The following FOXN3 variants were observed in gnomAD, a reference collection of about 807,000 sequenced individuals.
FOXN3 encodes the protein forkhead box protein N3.
In FOXN3, 7 loss-of-function variants were observed where a neutral mutation model predicts 38.4. That is an observed-to-expected ratio of 0.18 (90% CI 0.10 to 0.34). FOXN3 has a LOEUF of 0.34. Ranked by LOEUF, FOXN3 falls within the 10% of genes least tolerant of loss-of-function variation. The pLI is 1.00. For missense variants in FOXN3, 456 were observed against 613.4 expected, an observed-to-expected ratio of 0.74 and a Z score of 2.71; for synonymous variants, 230 against 242.2, an observed-to-expected ratio of 0.95 and a Z score of 0.47.
chr14:89,385,737 G>A (rs186744273), intron 2 of FOXN3, among the ~76,000 whole-genome samples: 39 of 152,334 alleles, frequency 2.6e-4, no homozygotes, highest in African/African-American at 8.2e-4. Context: ...AACCCAGGAC[G>A]CGGAGGCTGT....
At chr14:89,241,977 C>G (rs1458096524) in intron 4 of FOXN3, among the ~76,000 whole-genome samples, 4 of 152,210 alleles carry the variant, frequency 2.6e-5, no homozygotes, top group Non-Finnish European at 5.9e-5. Flanking sequence ...GGCGTCAGGA[C>G]CAGGTAGGTC....
intron 4 of FOXN3, among the ~76,000 whole-genome samples, chr14:89,204,896 G>A (rs1052204883): frequency 1.4e-5 from 2 of 146,660 alleles, no homozygotes; most frequent in Non-Finnish European, 2.9e-5. Flanking sequence ...TGCTGTTAAT[G>A]AGTATTTCAT....
chr14:89,161,554 T>C lies in FOXN3; in HGVS notation c.*860A>G. ...CCCCATCAGTTTTCTCTCTCTCTCC[T>C]TCGTGTGTGTGTGTGTGTGTGTGTG... On this transcript the variant is annotated 3_prime_UTR_variant, in exon 6 of 6. Transcript: ENST00000557258. 7.3e-6 allele frequency: 1 copy of C among 137,594 alleles called. No homozygotes were observed. The highest frequency in any genetic ancestry group is 1.5e-5 in the Non-Finnish European group (1 of 65,258). 8.5% of individuals were successfully genotyped at this position (137,594 alleles called of 1,614,324 possible). A position where few individuals can be genotyped will look rare whatever the true frequency, so the allele number is the denominator to read the frequency against.
intron 1 of FOXN3, among the ~76,000 whole-genome samples, chr14:89,456,523 G>A (rs1361455381): frequency 1.3e-5 from 2 of 152,244 alleles, no homozygotes; most frequent in African/African-American, 2.4e-5. Context: ...GGAGGCCAAG[G>A]TGGCTGGATT....
chr14:89,553,990 T>C (rs1895061445), intron 1 of FOXN3, among the ~76,000 whole-genome samples: 1 of 152,252 alleles, frequency 6.6e-6, no homozygotes, highest in Admixed American at 6.5e-5. Context: ...CGTGACTTTC[T>C]TCTTCGTTTT....
intron 2 of FOXN3, among the ~76,000 whole-genome samples, chr14:89,408,204 T>G (rs1012061644): frequency 6.6e-6 from 1 of 152,008 alleles, no homozygotes; most frequent in African/African-American, 2.4e-5. Flanking sequence ...TTAGCAGAAC[T>G]ACCAGTTTTC....
At chr14:89,224,327 C>T (rs1340685219) in intron 4 of FOXN3, among the ~76,000 whole-genome samples, 1 of 152,050 alleles carries the variant, frequency 6.6e-6, no homozygotes, top group Non-Finnish European at 1.5e-5. Context: ...TAATAAAAGG[C>T]CTCCTTAAAA....
At chr14:89,575,831 C>G (rs1189180378) in intron 1 of FOXN3, among the ~76,000 whole-genome samples, 1 of 152,206 alleles carries the variant, frequency 6.6e-6, no homozygotes, top group Non-Finnish European at 1.5e-5. Flanking sequence ...GTGATTGGCT[C>G]CCAATGCTGG....
At chr14:89,389,193 C>A (rs1459876744) in intron 2 of FOXN3, among the ~76,000 whole-genome samples, 2 of 151,974 alleles carry the variant, frequency 1.3e-5, no homozygotes, top group Non-Finnish European at 2.9e-5. Flanking sequence ...ATCTCTGATT[C>A]TTTCCTGCAA....
chr14:89,204,096 CACACACAA>C (rs1235857560), intron 4 of FOXN3, among the ~76,000 whole-genome samples: 1 of 132,778 alleles, frequency 7.5e-6, no homozygotes, highest in South Asian at 2.3e-4. Flanking sequence ...CACACACACA[CACACACAA>C]CTACTACTAC....
At chr14:89,364,415 G>A (rs1395058409) in intron 2 of FOXN3, 1 of 151,650 alleles carries the variant, frequency 6.6e-6, no homozygotes, top group African/African-American at 2.4e-5. Flanking sequence ...GAAAAGAGAA[G>A]TTATCATTTC....
In FOXN3 at chr14:89,286,166, G is replaced by A. The variant is rs145498715; in HGVS notation, c.681-5152C>T. Among the ~76,000 whole-genome samples the A allele has an allele frequency of 2.6e-3, 397 of 151,986 alleles. 2 individuals are homozygous for A. The highest frequency in any genetic ancestry group is 9.2e-3 in the African/African-American group (380 of 41,430). ...TAATGTATAAAACAAGAGAGGAGTA[G>A]GGAGGGGAGGAGGGAGAGGAGTAGG... is the stretch of plus-strand genomic sequence containing the variant. On this transcript the variant is annotated intron_variant, in intron 3 of 5. Coordinates refer to ENST00000557258, the MANE Select transcript of FOXN3 (RefSeq NM_005197.4).
chr14:89,552,744 A>G (rs1596315335), intron 1 of FOXN3, among the ~76,000 whole-genome samples: 1 of 152,206 alleles, frequency 6.6e-6, no homozygotes, highest in African/African-American at 2.4e-5. Context: ...CTGTAATCCC[A>G]GCTACTATGG....
rs1267584078 is a variant in FOXN3 at position 89,163,091 on chromosome 14, A to C, written c.852-122T>G. ...CCATCAGTCCCTTTGTGTTCAATGG[A>C]GCCACTCGCAAACTGTGGGGGCAAC... On this transcript the variant is annotated intron_variant, in intron 5 of 5. Transcript: ENST00000557258. This position sits in a 1 kb window ranked among gnomAD's most constrained non-coding sequence, Gnocchi z 4.3. The C allele has an allele frequency of 3.3e-6, 3 of 905,650 alleles. No individual in the cohort carries two copies. The highest frequency in any genetic ancestry group is 6.5e-5 in the Admixed American group (2 of 30,628). The allele number at this position is 905,650 out of a possible 1,614,324, so 56.1% of individuals were successfully genotyped here. A position where few individuals can be genotyped will look rare whatever the true frequency, so the allele number is the denominator to read the frequency against.
chr14:89,191,915 T>C (rs1887955158), intron 4 of FOXN3, among the ~76,000 whole-genome samples: 1 of 147,584 alleles, frequency 6.8e-6, no homozygotes, highest in South Asian at 2.1e-4. Context: ...GGGGTGAAAT[T>C]CCTAAAACAG....
chr14:89,415,370 T>C (rs1490966373), intron 1 of FOXN3, among the ~76,000 whole-genome samples: 4 of 152,188 alleles, frequency 2.6e-5, no homozygotes, highest in Admixed American at 2.6e-4. Context: ...CCATGTTTCC[T>C]TTTGTTTTAA....
chr14:89,167,653 A>G (rs1373392554), intron 5 of FOXN3, among the ~76,000 whole-genome samples: 1 of 152,236 alleles, frequency 6.6e-6, no homozygotes, highest in Non-Finnish European at 1.5e-5. Context: ...TCTTCTGACT[A>G]TAATATAAAA....
chr14:89,364,469 T>G (rs1196772699), intron 2 of FOXN3: 5 of 152,392 alleles, frequency 3.3e-5, no homozygotes, highest in African/African-American at 1.2e-4. Context: ...TAGCCCTAGT[T>G]CCTGGGATCA....
At chr14:89,193,607 C>T (rs1888021937) in intron 4 of FOXN3, among the ~76,000 whole-genome samples, 1 of 152,038 alleles carries the variant, frequency 6.6e-6, no homozygotes, top group African/African-American at 2.4e-5. Context: ...GAGTGGTAGT[C>T]ACTGAACGGA....
Sources: allele counts gnomAD v4.1 joint callset (sites outside exome capture counted in the v4.1 genomes callset), GRCh38; gene constraint gnomAD v4.1.1; non-coding constraint Gnocchi (gnomAD v3.1); transcripts MANE v1.5; gene names NCBI Gene and HGNC (gene_info 2026-07-23, HGNC 2026-07-21).